The following TRAPPC3L variants were observed in gnomAD, a reference collection of about 807,000 sequenced individuals.
TRAPPC3L encodes the protein trafficking protein particle complex subunit 3-like protein.
Under a neutral mutation model 23.7 loss-of-function variants are expected in TRAPPC3L, and 23 were observed. That is an observed-to-expected ratio of 0.97 (90% confidence interval 0.70 to 1.37). TRAPPC3L has a LOEUF of 1.37. TRAPPC3L is among the 40% of genes most tolerant of loss of function. The pLI is 0.00. For synonymous variants in TRAPPC3L, 81 were observed against 77.9 expected (o/e 1.04, Z -0.21); for missense variants, 212 against 216.8 (o/e 0.98, Z 0.14).
At chr6:116,533,321 A>T (rs905544127) in intron 3 of TRAPPC3L, among the ~76,000 whole-genome samples, 5 of 152,262 alleles carry the variant, frequency 3.3e-5, no homozygotes, top group Non-Finnish European at 7.3e-5. Flanking sequence ...CAAATTTCAC[A>T]GTATTTAACA....
At chr6:116,539,434 G>T (rs1562352945) in intron 3 of TRAPPC3L, among the ~76,000 whole-genome samples, 2 of 152,040 alleles carry the variant, frequency 1.3e-5, no homozygotes, top group African/African-American at 2.4e-5. Flanking sequence ...CATTTGGATT[G>T]TATTTTTAAT....
intron 3 of TRAPPC3L, among the ~76,000 whole-genome samples, chr6:116,539,155 A>G (rs1348333608): frequency 1.3e-5 from 2 of 152,240 alleles, no homozygotes; most frequent in African/African-American, 4.8e-5. Flanking sequence ...ACAAGTATTT[A>G]CTTTCCATTA....
chr6:116,496,837 C>G lies in TRAPPC3L; in HGVS notation c.*117G>C. The G allele has an allele frequency of 1.5e-6, 2 of 1,342,286 alleles. No homozygotes were observed. Among genetic ancestry groups the G allele is most frequent in the Non-Finnish European group, 1.9e-6 (2 of 1,033,622 alleles). The allele number at this position is 1,342,286 out of a possible 1,614,324, so 83.1% of individuals were successfully genotyped here. A position where few individuals can be genotyped will look rare whatever the true frequency, so the allele number is the denominator to read the frequency against. The stretch of plus-strand genomic sequence containing the variant: ...CATGCCCTGCATTTCAAATTTCTGG[C>G]TGATTTATAAACCTTTCAAAGCTCA... On this transcript the variant is annotated 3_prime_UTR_variant, in exon 5 of 5. Transcript: ENST00000368602.
At chr6:116,518,328 A>C (rs1772266380) in intron 3 of TRAPPC3L, 1 of 152,164 alleles carries the variant, frequency 6.6e-6, no homozygotes, top group Non-Finnish European at 1.5e-5. Flanking sequence ...GGTATTGGAG[A>C]ATTGGCCAGT....
chr6:116,515,720 AAGG>A, intron 3 of TRAPPC3L: 2 of 1,614,032 alleles, frequency 1.2e-6, no homozygotes, highest in East Asian at 4.5e-5. Flanking sequence ...ATATGCACAA[AAGG>A]AGAAGGAGCA....
At chr6:116,503,352 CA>C (rs1034603371) in intron 3 of TRAPPC3L, among the ~76,000 whole-genome samples, 3 of 152,300 alleles carry the variant, frequency 2.0e-5, no homozygotes, top group African/African-American at 7.2e-5. Flanking sequence ...GCACCCAATA[CA>C]GGAGCATCCA....
chr6:116,542,309 C>G (rs1319325185), intron 2 of TRAPPC3L, among the ~76,000 whole-genome samples: 1 of 151,848 alleles, frequency 6.6e-6, no homozygotes, highest in Admixed American at 6.6e-5. Flanking sequence ...AAAAAAAAGT[C>G]ATGTGTACAA....
chr6:116,512,830 T>C (rs1205086864), intron 3 of TRAPPC3L, among the ~76,000 whole-genome samples: 1 of 152,236 alleles, frequency 6.6e-6, no homozygotes, highest in East Asian at 1.9e-4. Context: ...AATAGCCTTC[T>C]GTGAAAAAGT....
chr6:116,500,681 A>C lies in TRAPPC3L; in HGVS notation c.241-15T>G. On this transcript the variant is annotated splice_polypyrimidine_tract_variant and intron_variant, in intron 3 of 4. Coordinates refer to ENST00000368602, the MANE Select transcript of TRAPPC3L (RefSeq NM_001139444.3). ...TTGAAAGCAACCTGATAAGAAAAAA[A>C]CAAAATTACTAAAACTTGGTCTAGA... 1 of 1,549,648 alleles carries C rather than the reference A, an allele frequency of 6.5e-7. No individual in the cohort carries two copies.
intron 3 of TRAPPC3L, among the ~76,000 whole-genome samples, chr6:116,502,323 GA>G (rs1771930495): frequency 6.6e-6 from 1 of 152,074 alleles, no homozygotes; most frequent in African/African-American, 2.4e-5. Flanking sequence ...CAAGATTAGA[GA>G]AAAAAGGGTG....
intron 3 of TRAPPC3L, chr6:116,520,190 T>C (rs921852754): frequency 2.0e-5 from 3 of 152,160 alleles, no homozygotes; most frequent in African/African-American, 7.2e-5. Context: ...ATCCACTGAT[T>C]TACTCTAAAA....
chr6:116,516,049 A>C, intron 3 of TRAPPC3L: 2 of 1,503,188 alleles, frequency 1.3e-6, no homozygotes, highest in Non-Finnish European at 1.8e-6. Context: ...GATCCTCCTA[A>C]CGTATCACCA....
chr6:116,510,776 A>G (rs915764554), intron 3 of TRAPPC3L, among the ~76,000 whole-genome samples: 1 of 152,136 alleles, frequency 6.6e-6, no homozygotes, highest in African/African-American at 2.4e-5. Context: ...GTACCCATCA[A>G]CTGATGAATA....
chr6:116,515,023 A>G (rs1772195538), intron 3 of TRAPPC3L, among the ~76,000 whole-genome samples: 1 of 152,224 alleles, frequency 6.6e-6, no homozygotes, highest in Non-Finnish European at 1.5e-5. Flanking sequence ...TTTTCTAATT[A>G]CCAAAAATCA....
rs150591115 is a variant in TRAPPC3L, at chr6:116,515,631, C to G, written c.241-14965G>C. ...GGATGGTGCCTGATTTGTTCAGCGT[C>G]TTTCTTCTCTCTGCTCACCACATGT... On this transcript the variant is annotated intron_variant, in intron 3 of 4. Coordinates refer to ENST00000368602, the MANE Select transcript of TRAPPC3L (RefSeq NM_001139444.3). The G allele has an allele frequency of 5.3e-5, 86 of 1,613,358 alleles. No individual in the cohort carries two copies. The African/African-American group carries it at 1.0e-3, about 19-fold the overall frequency.
intron 3 of TRAPPC3L, chr6:116,520,173 C>T (rs1270998892): frequency 1.3e-5 from 2 of 152,080 alleles, no homozygotes; most frequent in African/African-American, 4.8e-5. Context: ...TGTTTCAAAG[C>T]CTGATGATCC....
At chr6:116,533,780 T>G (rs904046838) in intron 3 of TRAPPC3L, among the ~76,000 whole-genome samples, 7 of 152,252 alleles carry the variant, frequency 4.6e-5, no homozygotes, top group South Asian at 2.1e-4. Flanking sequence ...TGCCTTTTGT[T>G]GGCTTGCTCC....
chr6:116,525,905 T>C (rs1772432785), intron 3 of TRAPPC3L, among the ~76,000 whole-genome samples: 2 of 152,252 alleles, frequency 1.3e-5, no homozygotes, highest in South Asian at 4.1e-4. Context: ...TAATTGCTGA[T>C]GGTTTCAACA....
intron 3 of TRAPPC3L, among the ~76,000 whole-genome samples, chr6:116,504,046 G>GAC (rs990329195): frequency 4.6e-5 from 7 of 152,094 alleles, no homozygotes; most frequent in South Asian, 4.2e-4. Flanking sequence ...AGGAGATAGA[G>GAC]ACACACACAC....
Sources: gnomAD v4.1 joint callset for allele counts (sites outside exome capture counted in the v4.1 genomes callset) on GRCh38, gnomAD v4.1.1 for gene constraint, MANE v1.5 for transcripts, NCBI Gene and HGNC (gene_info 2026-07-23, HGNC 2026-07-21) for gene names.